Variants in DRC8 observed in about 807,000 individuals in gnomAD.
DRC8 encodes dynein regulatory complex protein 8.
chr1:245,077,912 CAAG>C, the DRC8 span, among the ~76,000 whole-genome samples: 1 of 151,976 alleles, frequency 6.6e-6, no homozygotes, highest in East Asian at 1.9e-4. Flanking sequence ...GCAAAAGAAA[CAAG>C]GAGCAACCTA....
the DRC8 span, among the ~76,000 whole-genome samples, chr1:245,002,658 A>G: frequency 3.6e-4 from 55 of 151,800 alleles, no homozygotes; most frequent in Non-Finnish European, 5.9e-4. Context: ...AGCTGGGACT[A>G]CAGGTGCACA....
chr1:244,970,858 T>G, the DRC8 span: 1 of 247,126 alleles, frequency 4.0e-6, no homozygotes. Context: ...GTGCTGATAA[T>G]GGCGTCGTTG....
At chr1:245,067,771 G>A in the DRC8 span, among the ~76,000 whole-genome samples, 15 of 152,254 alleles carry the variant, frequency 9.9e-5, no homozygotes, top group African/African-American at 3.1e-4. Flanking sequence ...ACTTTACATC[G>A]TTTGGAATTT....
At chr1:245,109,899 C>T in the DRC8 span, among the ~76,000 whole-genome samples, 1 of 152,224 alleles carries the variant, frequency 6.6e-6, no homozygotes, top group African/African-American at 2.4e-5. Flanking sequence ...GATGTGCTAT[C>T]AGCTCTGTCT....
the DRC8 span, among the ~76,000 whole-genome samples, chr1:245,041,502 G>A: frequency 2.6e-5 from 4 of 152,180 alleles, no homozygotes; most frequent in African/African-American, 4.8e-5. Context: ...TTGCAGTGGT[G>A]CAGGCAAGAG....
chr1:244,995,871 G>A, the DRC8 span, among the ~76,000 whole-genome samples: 1 of 152,160 alleles, frequency 6.6e-6, no homozygotes. Context: ...TAGAGCCTAC[G>A]GAAGGGCCAG....
At chr1:245,098,018 G>GT in the DRC8 span, among the ~76,000 whole-genome samples, 1 of 152,236 alleles carries the variant, frequency 6.6e-6, no homozygotes, top group Non-Finnish European at 1.5e-5. Flanking sequence ...TGCTGAGCCA[G>GT]TTAGGGGACA....
the DRC8 span, among the ~76,000 whole-genome samples, chr1:245,007,844 A>G: frequency 1.1e-4 from 17 of 152,276 alleles, no homozygotes; most frequent in African/African-American, 4.1e-4. Context: ...ACTTTGGGGT[A>G]GTGCTTCTCA....
chr1:245,088,315 G>GACACACACACACAC, the DRC8 span, among the ~76,000 whole-genome samples: 3,543 of 145,522 alleles, frequency 0.024, 87 homozygotes, highest in East Asian at 0.064. The surrounding 1 kb of genome is among the most constrained non-coding windows in gnomAD (Gnocchi z 4.6). Context: ...GTTATAACAA[G>GACACACACACACAC]ACACACACAC....
At chr1:245,001,715 T>C in the DRC8 span, among the ~76,000 whole-genome samples, 1 of 152,358 alleles carries the variant, frequency 6.6e-6, no homozygotes, top group East Asian at 1.9e-4. Context: ...GTGTGAAGGA[T>C]GAAGTTGAAG....
the DRC8 span, among the ~76,000 whole-genome samples, chr1:245,035,782 G>A: frequency 2.6e-5 from 4 of 151,288 alleles, no homozygotes; most frequent in South Asian, 2.1e-4. Flanking sequence ...CAGGAGAATC[G>A]CTGGAACCTG....
the DRC8 span, among the ~76,000 whole-genome samples, chr1:245,094,726 A>G: frequency 6.6e-6 from 1 of 152,190 alleles, no homozygotes; most frequent in South Asian, 2.1e-4. Flanking sequence ...CTCTTTTGGA[A>G]AAACAATGTA....
the DRC8 span, among the ~76,000 whole-genome samples, chr1:245,094,342 T>C: frequency 6.6e-6 from 1 of 152,210 alleles, no homozygotes; most frequent in East Asian, 1.9e-4. Context: ...AGGAACTTTT[T>C]AAGCCTCTTA....
chr1:245,031,133 A>G, the DRC8 span, among the ~76,000 whole-genome samples: 1 of 152,116 alleles, frequency 6.6e-6, no homozygotes, highest in African/African-American at 2.4e-5. Context: ...GTGTTAGGCC[A>G]TTCCAACACA....
the DRC8 span, among the ~76,000 whole-genome samples, chr1:245,020,794 ATT>A: frequency 1.3e-4 from 16 of 125,848 alleles, no homozygotes; most frequent in Admixed American, 8.1e-5. Context: ...TAATTTTCGT[ATT>A]TTTTTTTTTT....
At chr1:244,975,604 A>G in the DRC8 span, among the ~76,000 whole-genome samples, 74 of 152,308 alleles carry the variant, frequency 4.9e-4, no homozygotes, top group Non-Finnish European at 7.3e-5. Flanking sequence ...CACGCCTGTA[A>G]TCCTAGCACT....
At chr1:245,086,051 T>C in the DRC8 span, among the ~76,000 whole-genome samples, 3 of 152,232 alleles carry the variant, frequency 2.0e-5, no homozygotes, top group East Asian at 3.8e-4. Context: ...CGTGGTTTAC[T>C]TGGAGGTGCT....
the DRC8 span, among the ~76,000 whole-genome samples, chr1:245,043,111 A>G: frequency 1.3e-5 from 2 of 152,194 alleles, no homozygotes; most frequent in Admixed American, 1.3e-4. Context: ...ACTTCTTATC[A>G]ATATAAGACA....
chr1:245,085,104 G>A, the DRC8 span, among the ~76,000 whole-genome samples: 1 of 152,224 alleles, frequency 6.6e-6, no homozygotes, highest in Non-Finnish European at 1.5e-5. Context: ...TTTAGTAAGT[G>A]TAGTAAGGTA....
Sources: gnomAD v4.1 joint callset for allele counts (sites outside exome capture counted in the v4.1 genomes callset) on GRCh38, gnomAD v4.1.1 for gene constraint, Gnocchi (gnomAD v3.1) non-coding constraint, MANE v1.5 for transcripts, NCBI Gene and HGNC (gene_info 2026-07-23, HGNC 2026-07-21) for gene names.